Variants in GLI3 observed in about 807,000 individuals in gnomAD.
The protein encoded by GLI3 is transcription activator GLI3.
A neutral mutation model predicts 100.8 loss-of-function variants in GLI3; 20 were observed. The ratio of observed to expected loss-of-function variants is 0.20; its 90% confidence interval spans 0.14 to 0.29. The LOEUF is 0.29. GLI3 is among the 10% of genes least tolerant of loss of function. The pLI is 1.00. For synonymous variants in GLI3, 938 were observed against 860.5 expected (o/e 1.09, Z -1.58); for missense variants, 2,040 against 2,128.5 (o/e 0.96, Z 0.82).
At chr7:42,261,739 C>T (rs12690830) in intron 1 of GLI3, among the ~76,000 whole-genome samples, 105,368 of 152,068 alleles carry the variant, frequency 0.69, 38,652 homozygotes, top group Middle Eastern at 0.82. Flanking sequence ...ATTATAGGTG[C>T]CCTGCAAAGA....
At chr7:42,049,590 C>A (rs970988000) in intron 4 of GLI3, among the ~76,000 whole-genome samples, 5 of 152,148 alleles carry the variant, frequency 3.3e-5, no homozygotes, top group African/African-American at 1.2e-4. Context: ...AAAATAAATT[C>A]TAAAACACAC....
intron 3 of GLI3, among the ~76,000 whole-genome samples, chr7:42,093,521 CTATTA>C (rs67841860): frequency 0.2 from 30,467 of 151,928 alleles, 3,268 homozygotes; most frequent in Admixed American, 0.34. Context: ...GCAGCTGTTC[CTATTA>C]TACTTAAATT....
At chr7:42,097,806 T>C (rs1583554916) in intron 3 of GLI3, among the ~76,000 whole-genome samples, 1 of 152,202 alleles carries the variant, frequency 6.6e-6, no homozygotes, top group East Asian at 1.9e-4. Context: ...GCCTCAGTTC[T>C]GCTCAGGCCA....
Position 42,045,500 on chromosome 7 carries a change from T to C in GLI3, c.710A>G (p.Tyr237Cys), listed in dbSNP as rs570375190. 1.9e-6 allele frequency: 3 copies of C among 1,614,096 alleles called. No individual in the cohort carries two copies. The highest frequency in any genetic ancestry group is 1.7e-5 in the Admixed American group (1 of 60,026). The change falls in exon 6 of 15, where the codon TAC (tyrosine) becomes TGC (cysteine). Residue 237 changes from tyrosine to cysteine, a missense_variant. Tyr to Cys is a radical substitution (Grantham distance 194). This residue lies in a region of GLI3 where 603 missense variants were observed against 690.9 expected (regional missense o/e 0.87). Coordinates refer to ENST00000395925, the MANE Select transcript of GLI3 (RefSeq NM_000168.6). ...AGTTAGCAGGGCCATCTGATGATAG[T>C]ATTCTGCTGGGCTGACTCCTGCATG... The part of the protein sequence containing the change: ...APHAGVSPAE[Y>C]YHQMALLTGQ...
chr7:42,025,764 A>T (rs1015221948), intron 8 of GLI3, among the ~76,000 whole-genome samples: 4 of 152,188 alleles, frequency 2.6e-5, no homozygotes, highest in Non-Finnish European at 5.9e-5. Context: ...TCTCCAAACA[A>T]TATCAAAGTG....
chr7:42,188,743 G>C (rs994318094), intron 2 of GLI3, among the ~76,000 whole-genome samples: 3 of 152,188 alleles, frequency 2.0e-5, no homozygotes, highest in Non-Finnish European at 4.4e-5. Flanking sequence ...AGTATAAAAA[G>C]TCTATGTACT....
intron 10 of GLI3, among the ~76,000 whole-genome samples, chr7:42,020,888 T>C (rs1290627399): frequency 4.2e-5 from 1 of 23,990 alleles, no homozygotes; most frequent in Non-Finnish European, 7.5e-5. Context: ...AGACTCCGTC[T>C]CAAAAAAAAA....
chr7:42,112,409 T>C (rs1412841624), intron 3 of GLI3, among the ~76,000 whole-genome samples: 2 of 152,146 alleles, frequency 1.3e-5, no homozygotes, highest in South Asian at 4.1e-4. Flanking sequence ...TAGTATTTGA[T>C]AGCAAAACAG....
intron 13 of GLI3, among the ~76,000 whole-genome samples, chr7:41,971,755 C>T (rs1787369723): frequency 6.6e-6 from 1 of 152,180 alleles, no homozygotes; most frequent in South Asian, 2.1e-4. Flanking sequence ...GTTCCCCTCC[C>T]ACCCCTGTGC....
At chr7:42,190,676 A>C (rs1787810934) in intron 2 of GLI3, among the ~76,000 whole-genome samples, 1 of 152,228 alleles carries the variant, frequency 6.6e-6, no homozygotes, top group South Asian at 2.1e-4. Context: ...ATTGCAATAC[A>C]TTTTGAAAAC....
At chr7:42,070,135 T>C (rs953200159) in intron 4 of GLI3, among the ~76,000 whole-genome samples, 4 of 152,236 alleles carry the variant, frequency 2.6e-5, no homozygotes, top group African/African-American at 9.6e-5. Flanking sequence ...CTCCACCCAG[T>C]TGATGAATCA....
intron 2 of GLI3, among the ~76,000 whole-genome samples, chr7:42,165,131 C>A (rs1335488369): frequency 3.3e-5 from 5 of 149,546 alleles, no homozygotes; most frequent in Non-Finnish European, 7.4e-5. Flanking sequence ...AAAAATTAGC[C>A]AGGCGTGGAG....
intron 1 of GLI3, among the ~76,000 whole-genome samples, chr7:42,232,412 A>G (rs536280523): frequency 5.9e-4 from 90 of 152,336 alleles, no homozygotes; most frequent in African/African-American, 2.1e-3. Context: ...TACACTTTCA[A>G]AGCTATAATG....
intron 10 of GLI3, among the ~76,000 whole-genome samples, chr7:42,012,433 A>G (rs2128726099): frequency 1.3e-5 from 2 of 152,170 alleles, no homozygotes; most frequent in East Asian, 3.9e-4. Context: ...TGCAGACACT[A>G]CATTTACTTG....
intron 2 of GLI3, chr7:42,150,246 T>C (rs1025630232): frequency 6.6e-6 from 1 of 152,226 alleles, no homozygotes; most frequent in Non-Finnish European, 1.5e-5. Flanking sequence ...TTGATCTCTA[T>C]GAAAGCAATT....
intron 10 of GLI3, among the ~76,000 whole-genome samples, chr7:42,011,260 A>C (rs1422207238): frequency 6.6e-6 from 1 of 152,208 alleles, no homozygotes; most frequent in Non-Finnish European, 1.5e-5. Flanking sequence ...CACTCAGGCA[A>C]GAAGGGGTGG....
chr7:42,017,874 T>C (rs1282461554), intron 10 of GLI3, among the ~76,000 whole-genome samples: 1 of 152,216 alleles, frequency 6.6e-6, no homozygotes, highest in Non-Finnish European at 1.5e-5. Flanking sequence ...AGACCCTCTG[T>C]CTGTTTCTCA....
chr7:42,183,418 C>T (rs73094384), intron 2 of GLI3, among the ~76,000 whole-genome samples: 1 of 152,038 alleles, frequency 6.6e-6, no homozygotes, highest in African/African-American at 2.4e-5. Flanking sequence ...GGGGGCAAAT[C>T]AGGAAGGGGC....
At chr7:42,171,875 A>G (rs1182775426) in intron 2 of GLI3, among the ~76,000 whole-genome samples, 3 of 152,196 alleles carry the variant, frequency 2.0e-5, no homozygotes, top group Non-Finnish European at 2.9e-5. Flanking sequence ...TATTTTTCTT[A>G]GAAATTTTAA....
Sources: gnomAD v4.1 joint callset for allele counts (sites outside exome capture counted in the v4.1 genomes callset) on GRCh38, gnomAD v4.1.1 for gene constraint, gnomAD v4.1.1 regional missense constraint, MANE v1.5 for transcripts, NCBI Gene and HGNC (gene_info 2026-07-23, HGNC 2026-07-21) for gene names.